The following CCNY variants were observed in gnomAD, a reference collection of about 807,000 sequenced individuals.
CCNY encodes cyclin Y, also known as cyclin-Y.
In CCNY, 19 loss-of-function variants were observed where a neutral mutation model predicts 42.8. That is an observed-to-expected ratio of 0.44 (90% confidence interval 0.31 to 0.65). The LOEUF (loss-of-function observed/expected upper bound fraction) is 0.65. CCNY is among the 30% of genes least tolerant of loss of function. CCNY has a pLI of 0.07. For synonymous variants in CCNY, 165 were observed against 162.7 expected (o/e 1.01, Z -0.11); for missense variants, 370 against 437.3 (o/e 0.85, Z 1.37).
At chr10:35,259,963 A>G (rs2135030615) in intron 3 of CCNY, among the ~76,000 whole-genome samples, 1 of 151,622 alleles carries the variant, frequency 6.6e-6, no homozygotes, top group African/African-American at 2.4e-5. Context: ...TCAAACTCTT[A>G]CAGCCATTTT....
intron 1 of CCNY, among the ~76,000 whole-genome samples, chr10:35,395,999 A>G (rs567424594): frequency 5.3e-5 from 8 of 151,514 alleles, no homozygotes; most frequent in African/African-American, 1.9e-4. Flanking sequence ...CTCAGTGTGC[A>G]TGTTACTGTG....
chr10:35,432,053 C>T (rs1049254782), intron 1 of CCNY, among the ~76,000 whole-genome samples: 1 of 152,174 alleles, frequency 6.6e-6, no homozygotes, highest in African/African-American at 2.4e-5. Context: ...GAGCGAATGT[C>T]AGTGCGAGAA....
intron 3 of CCNY, among the ~76,000 whole-genome samples, chr10:35,503,386 C>G (rs1840150416): frequency 1.3e-5 from 2 of 152,150 alleles, no homozygotes; most frequent in African/African-American, 4.8e-5. Context: ...GACCCTGTAA[C>G]AAGCAGCGTG....
chr10:35,496,140 C>G (rs1839998844), intron 2 of CCNY, among the ~76,000 whole-genome samples: 1 of 152,236 alleles, frequency 6.6e-6, no homozygotes, highest in Admixed American at 6.5e-5. Context: ...TTCTGTCATT[C>G]TTTAGTTGAA....
At chr10:35,499,746 T>G (rs890336220) in intron 2 of CCNY, among the ~76,000 whole-genome samples, 1 of 152,198 alleles carries the variant, frequency 6.6e-6, no homozygotes, top group Non-Finnish European at 1.5e-5. Flanking sequence ...TGGGTTGCTC[T>G]GAGAAGGGTT....
upstream of CCNY, chr10:35,336,112 AG>A (rs1166967100): frequency 6.6e-6 from 1 of 152,178 alleles, no homozygotes; most frequent in Non-Finnish European, 1.5e-5. Context: ...AAAGACAAAA[AG>A]AGCCAGCCCG....
At chr10:35,276,826 C>T (rs1300718096) in intron 3 of CCNY, among the ~76,000 whole-genome samples, 1 of 152,270 alleles carries the variant, frequency 6.6e-6, no homozygotes, top group South Asian at 2.1e-4. Context: ...TCCTGTGGCA[C>T]ACAGTCAGCT....
chr10:35,254,744 C>T (rs2095714279), intron 3 of CCNY, among the ~76,000 whole-genome samples: 1 of 150,608 alleles, frequency 6.6e-6, no homozygotes, highest in Non-Finnish European at 1.5e-5. Flanking sequence ...GGGAGGATCA[C>T]CTGAGCCCCC....
At chr10:35,306,975 A>G (rs993275007) in intron 3 of CCNY, among the ~76,000 whole-genome samples, 2 of 152,178 alleles carry the variant, frequency 1.3e-5, no homozygotes, top group Admixed American at 6.5e-5. Context: ...GGAATCAGTA[A>G]GTTCTCTCCT....
chr10:35,323,792 G>C (rs978392755), intron 3 of CCNY, among the ~76,000 whole-genome samples: 1 of 152,162 alleles, frequency 6.6e-6, no homozygotes. Flanking sequence ...GCCAGGGAAG[G>C]CAGATCACCT....
intron 1 of CCNY, among the ~76,000 whole-genome samples, chr10:35,479,151 G>A (rs1376733637): frequency 3.3e-5 from 5 of 151,568 alleles, no homozygotes; most frequent in Middle Eastern, 3.4e-3. Context: ...CTTTTACACT[G>A]TTGGTGGGAC....
At chr10:35,293,893 TG>T (rs1183165417) in intron 3 of CCNY, among the ~76,000 whole-genome samples, 3 of 151,264 alleles carry the variant, frequency 2.0e-5, no homozygotes, top group Admixed American at 1.3e-4. Context: ...TGGGTTCAAG[TG>T]ATTCTTCTGC....
intron 7 of CCNY, among the ~76,000 whole-genome samples, chr10:35,535,095 A>T (rs376799955): frequency 6.6e-6 from 1 of 150,764 alleles, no homozygotes; most frequent in East Asian, 2.0e-4. Context: ...ACAAAGGAGG[A>T]TGAACGTGAG....
intron 1 of CCNY, among the ~76,000 whole-genome samples, chr10:35,385,132 T>C (rs1265073356): frequency 6.6e-6 from 1 of 152,180 alleles, no homozygotes; most frequent in Non-Finnish European, 1.5e-5. Flanking sequence ...CAGCTATCGA[T>C]GGATTGAGAA....
intron 1 of CCNY, among the ~76,000 whole-genome samples, chr10:35,457,208 A>G (rs1839055958): frequency 6.6e-6 from 1 of 152,122 alleles, no homozygotes; most frequent in South Asian, 2.1e-4. Context: ...GTTTGAGCTA[A>G]TTTCTGATTA....
intron 1 of CCNY, among the ~76,000 whole-genome samples, chr10:35,471,915 T>A (rs888682480): frequency 6.6e-6 from 1 of 152,214 alleles, no homozygotes; most frequent in Non-Finnish European, 1.5e-5. Flanking sequence ...GCCATTCTTT[T>A]AGGAGGTAGG....
At chr10:35,273,102 C>T (rs572813023) in intron 3 of CCNY, among the ~76,000 whole-genome samples, 1 of 152,054 alleles carries the variant, frequency 6.6e-6, no homozygotes, top group South Asian at 2.1e-4. Flanking sequence ...GGAAGTCCTA[C>T]ATTTCCCTAA....
intron 2 of CCNY, among the ~76,000 whole-genome samples, chr10:35,486,503 C>T (rs1839790775): frequency 1.3e-5 from 2 of 152,142 alleles, no homozygotes; most frequent in Non-Finnish European, 2.9e-5. Context: ...CTGCAGCAGC[C>T]TCTAGACTGG....
intron 3 of CCNY, among the ~76,000 whole-genome samples, chr10:35,322,928 C>T (rs1564368614): frequency 1.3e-5 from 2 of 151,956 alleles, no homozygotes; most frequent in Non-Finnish European, 2.9e-5. Flanking sequence ...ACAGTTTGGC[C>T]ATTTTTTATT....
Sources: allele counts gnomAD v4.1 joint callset (sites outside exome capture counted in the v4.1 genomes callset), GRCh38; gene constraint gnomAD v4.1.1; transcripts MANE v1.5; gene names NCBI Gene and HGNC (gene_info 2026-07-23, HGNC 2026-07-21).